The following GARNL3 variants were observed in gnomAD, a reference collection of about 807,000 sequenced individuals.
GARNL3 encodes the protein GTPase-activating Rap/Ran-GAP domain-like protein 3.
Under a neutral mutation model 125.0 loss-of-function variants are expected in GARNL3, and 63 were observed. The ratio of observed to expected loss-of-function variants is 0.50; its 90% CI spans 0.41 to 0.62. The LOEUF is 0.62. GARNL3 is among the 20% of genes least tolerant of loss of function. The pLI, the probability that GARNL3 is intolerant of heterozygous loss-of-function variation, is 0.00. For synonymous variants in GARNL3, 439 were observed against 457.5 expected (o/e 0.96, Z 0.52); for missense variants, 994 against 1,244.0 (o/e 0.80, Z 3.02).
chr9:127,263,848 T>C, upstream of GARNL3: 3 of 1,324,580 alleles, frequency 2.3e-6, no homozygotes, highest in Non-Finnish European at 2.9e-6. Flanking sequence ...ATCTCATTTC[T>C]CTCATGCTGT....
rs151096787 is a variant in GARNL3, at chr9:127,384,769, A to G, written c.2270-258A>G. ...TGGAAGATCAGGCAGTGGGGTTTCC[A>G]TGGGGGAAAATGGCAGCAAGCATGG... is the stretch of plus-strand genomic sequence containing the variant. On this transcript the variant is annotated intron_variant, in intron 23 of 27. Coordinates refer to ENST00000373387, the MANE Select transcript of GARNL3 (RefSeq NM_032293.5). This position sits in a 1 kb window ranked among gnomAD's most constrained non-coding sequence, Gnocchi z 4.0. Among the ~76,000 whole-genome samples, 2 of 152,296 alleles carry G rather than the reference A, an allele frequency of 1.3e-5. No homozygotes were observed. The highest frequency in any genetic ancestry group is 1.9e-4 in the East Asian group (1 of 5,172).
intron 1 of GARNL3, 113 bp downstream of exon 1, chr9:127,265,134 G>A (rs2063675704): frequency 2.5e-6 from 2 of 796,638 alleles, no homozygotes; most frequent in African/African-American, 3.5e-5. Context: ...TGGGTACAGT[G>A]TAAGGATTGG....
intron 14 of GARNL3, among the ~76,000 whole-genome samples, chr9:127,343,820 C>A (rs1382031274): frequency 1.3e-5 from 2 of 152,176 alleles, no homozygotes; most frequent in Non-Finnish European, 2.9e-5. Context: ...CTAATTTGCT[C>A]AAGGCGACCC....
At chr9:127,382,309 AAATAAT>A (rs937076829) in intron 22 of GARNL3, among the ~76,000 whole-genome samples, 21 of 152,008 alleles carry the variant, frequency 1.4e-4, no homozygotes, top group Middle Eastern at 3.2e-3. Context: ...CAAAAATTAA[AAATAAT>A]AATAATAATA....
At chr9:127,264,267 C>A (rs2063654721), upstream of GARNL3, 3 of 288,856 alleles carry the variant, frequency 1.0e-5, no homozygotes, top group Admixed American at 1.1e-4. Context: ...ACAATTTTGC[C>A]CTTGTTTTAA....
chr9:127,240,879 TCCTGGGTGGCAGAGTGAGAC>T (rs67495432), intron 1 of GARNL3, among the ~76,000 whole-genome samples: 5,040 of 152,308 alleles, frequency 0.033, 117 homozygotes, highest in Middle Eastern at 0.085. Context: ...CTGCACTCCA[TCCTGGGTGGCAGAGTGAGAC>T]CCTGTCTCAA....
chr9:127,314,150 G>A (rs999985711), intron 4 of GARNL3, among the ~76,000 whole-genome samples: 2 of 152,208 alleles, frequency 1.3e-5, no homozygotes, highest in African/African-American at 4.8e-5. Context: ...CCTGATCCCA[G>A]GTCTCCGCTA....
At chr9:127,355,230 T>C (rs1830623594) in intron 19 of GARNL3, 67 bp from the exon 20 acceptor site, 6 of 1,389,566 alleles carry the variant, frequency 4.3e-6, no homozygotes, top group Non-Finnish European at 6.1e-6. Flanking sequence ...TATTGCCAAA[T>C]TGTCAAGGTC....
upstream of GARNL3, chr9:127,263,822 G>A: frequency 1.6e-6 from 2 of 1,268,984 alleles, no homozygotes; most frequent in Non-Finnish European, 2.0e-6. Flanking sequence ...GAAGCAGAAT[G>A]CCATTAGACT....
At chr9:127,299,131 A>G (rs949484635) in intron 2 of GARNL3, among the ~76,000 whole-genome samples, 2 of 152,018 alleles carry the variant, frequency 1.3e-5, no homozygotes, top group African/African-American at 2.4e-5. Flanking sequence ...CCTGGCTAAC[A>G]TGGTGAAACC....
At chr9:127,271,462 C>G (rs1029855167) in intron 1 of GARNL3, among the ~76,000 whole-genome samples, 1 of 150,260 alleles carries the variant, frequency 6.7e-6, no homozygotes, top group Non-Finnish European at 1.5e-5. Context: ...TTGATTCCCC[C>G]CTCAACCAAT....
chr9:127,263,530 G>A, upstream of GARNL3: 1 of 236,258 alleles, frequency 4.2e-6, no homozygotes, highest in Non-Finnish European at 6.9e-6. Context: ...GGGAATGGCA[G>A]TAGCCTCCAG....
intron 22 of GARNL3, among the ~76,000 whole-genome samples, chr9:127,373,254 A>G (rs1831704642): frequency 6.6e-6 from 1 of 152,224 alleles, no homozygotes; most frequent in South Asian, 2.1e-4. Flanking sequence ...AGCCTCAAGT[A>G]TTGCTATTGC....
At chr9:127,386,076 G>T (rs1326723969) in intron 24 of GARNL3, among the ~76,000 whole-genome samples, 1 of 152,124 alleles carries the variant, frequency 6.6e-6, no homozygotes, top group Non-Finnish European at 1.5e-5. Flanking sequence ...TAGCCAATTG[G>T]TTCTTACAAA....
chr9:127,240,930 A>G (rs541078163), intron 1 of GARNL3, among the ~76,000 whole-genome samples: 3 of 152,218 alleles, frequency 2.0e-5, no homozygotes, highest in Non-Finnish European at 4.4e-5. Flanking sequence ...TTTAATTAAA[A>G]TCATTCTAAC....
chr9:127,317,784 C>G (rs1564134106), intron 4 of GARNL3, among the ~76,000 whole-genome samples: 1 of 152,184 alleles, frequency 6.6e-6, no homozygotes, highest in Admixed American at 6.5e-5. Context: ...TCATCTGGTT[C>G]AGATGGCTCA....
Position 127,296,930 on chromosome 9 carries a change from G to A in GARNL3, c.219+5688G>A, listed in dbSNP as rs933237877. 3.9e-5 allele frequency among the ~76,000 whole-genome samples: 6 copies of A among 152,042 alleles called. No individual in the cohort carries two copies. The South Asian group carries it at 1.2e-3, about 32-fold the overall frequency. ...CCCCCGATCCTGCAGCTATCTAGGAGCCCCCTGTGAGTCCCCTCCTTAGAA... is the reference window on the plus strand; with the variant it reads ...CCCCCGATCCTGCAGCTATCTAGGAACCCCCTGTGAGTCCCCTCCTTAGAA... On this transcript the variant is annotated intron_variant, in intron 2 of 27. Transcript: ENST00000373387.
At chr9:127,365,081 G>C (rs1353658442) in intron 21 of GARNL3, 1 of 497,148 alleles carries the variant, frequency 2.0e-6, no homozygotes, top group African/African-American at 2.0e-5. Context: ...AGAATGGAGA[G>C]ACTTTTCTTT....
chr9:127,235,959 T>A (rs1173805231), intron 1 of GARNL3, among the ~76,000 whole-genome samples: 1 of 152,216 alleles, frequency 6.6e-6, no homozygotes, highest in Non-Finnish European at 1.5e-5. Flanking sequence ...TTTATAAAGA[T>A]GTTTATATCT....
Sources: gnomAD v4.1 joint callset for allele counts (sites outside exome capture counted in the v4.1 genomes callset) on GRCh38, gnomAD v4.1.1 for gene constraint, Gnocchi (gnomAD v3.1) non-coding constraint, MANE v1.5 for transcripts, NCBI Gene and HGNC (gene_info 2026-07-23, HGNC 2026-07-21) for gene names.